Variants in DNAH5 observed in about 807,000 individuals in gnomAD.
DNAH5 encodes axonemal beta dynein heavy chain 5.
A neutral mutation model predicts 518.2 loss-of-function variants in DNAH5; 372 were observed. The observed-to-expected ratio is 0.72, with a 90% CI of 0.66 to 0.78. The LOEUF is 0.78. DNAH5 is among the 30% of genes least tolerant of loss of function. The pLI is 0.00. For missense variants in DNAH5, 5,523 were observed against 5,687.0 expected (o/e 0.97, Z 0.93); for synonymous variants, 2,039 against 2,025.9 (o/e 1.01, Z -0.17).
chr5:13,927,444 G>T (rs1024146939), intron 3 of DNAH5, among the ~76,000 whole-genome samples: 1 of 152,144 alleles, frequency 6.6e-6, no homozygotes, highest in African/African-American at 2.4e-5. Flanking sequence ...GGGAGGTAGA[G>T]GTTGCGGGGA....
In DNAH5 at chr5:13,885,302, CAGAT is replaced by C. The variant is rs562309127; in HGVS notation, c.2744-78_2744-75del. 1,320 of 1,537,494 alleles carry C rather than the reference CAGAT, an allele frequency of 8.6e-4. 1 individual carries two copies. Among genetic ancestry groups the C allele is most frequent in the African/African-American group, 2.2e-3 (159 of 73,262 alleles). ...ATGGATAGATAGACAGATAGATAGA[CAGAT>C]AGATAGAATCATCTGTTGCAATTAA... On this transcript the variant is annotated intron_variant, in intron 18 of 78. Coordinates refer to ENST00000265104, the MANE Select transcript of DNAH5 (RefSeq NM_001369.3).
chr5:13,959,183 G>T (rs1780979033), intron 1 of DNAH5, among the ~76,000 whole-genome samples: 1 of 152,194 alleles, frequency 6.6e-6, no homozygotes, highest in Non-Finnish European at 1.5e-5. Flanking sequence ...CTAACCTCCA[G>T]TGGTCAGCCC....
intron 1 of DNAH5, among the ~76,000 whole-genome samples, chr5:13,938,555 G>T (rs1298687942): frequency 6.7e-6 from 1 of 150,074 alleles, no homozygotes; most frequent in Non-Finnish European, 1.5e-5. Flanking sequence ...TATAAAAAAT[G>T]TAAATATATA....
chr5:13,954,889 A>G (rs2152039775), intron 1 of DNAH5, among the ~76,000 whole-genome samples: 1 of 152,224 alleles, frequency 6.6e-6, no homozygotes, highest in Admixed American at 6.5e-5. Context: ...CCTGAAGCCT[A>G]AAGGAAAATC....
intron 47 of DNAH5, among the ~76,000 whole-genome samples, chr5:13,802,067 TA>T (rs907286194): frequency 2.5e-4 from 37 of 148,124 alleles, no homozygotes; most frequent in South Asian, 1.9e-3. Context: ...TACTGATTTT[TA>T]AAAAAAAAAA....
Position 13,735,286 on chromosome 5 carries a change from G to T in DNAH5, c.11606C>A (p.Ala3869Asp). The T allele has an allele frequency of 6.2e-7, 1 of 1,614,092 alleles. No individual in the cohort carries two copies. Among genetic ancestry groups the T allele is most frequent in the Non-Finnish European group, 8.5e-7 (1 of 1,179,990 alleles). ...VKSPITSKRI[A>D]NIIEHMTYEV... ...GTAGGTCATGTGCTCGATGATATTAGCAATCCTCTTGCTTGTAATCGGGCT... is the reference window on the plus strand; with the variant it reads ...GTAGGTCATGTGCTCGATGATATTATCAATCCTCTTGCTTGTAATCGGGCT... The change falls in exon 68 of 79, where the codon GCT (alanine) becomes GAT (aspartate). Residue 3869 changes from alanine (A) to aspartate (D), a missense_variant. By Grantham distance (126) the Ala-to-Asp change is moderately radical. Around this residue, in one of 3 missense-constraint regions of DNAH5, gnomAD observed 5,121 missense variants for 5,223.3 expected, o/e 0.98. Coordinates refer to ENST00000265104, the MANE Select transcript of DNAH5 (RefSeq NM_001369.3).
chr5:13,900,170 A>G (rs1774406326), intron 15 of DNAH5, 36 bp downstream of exon 15: 1 of 1,544,050 alleles, frequency 6.5e-7, no homozygotes, highest in African/African-American at 1.4e-5. Flanking sequence ...TTCCAGAGCT[A>G]GCCAAGAATG....
chr5:13,873,689 C>T (rs190337963), intron 22 of DNAH5, among the ~76,000 whole-genome samples: 7 of 151,796 alleles, frequency 4.6e-5, no homozygotes, highest in East Asian at 3.9e-4. Context: ...TTTGTAGAGA[C>T]GAGATCTCAC....
chr5:13,722,216 A>T (rs1260125819), intron 70 of DNAH5, among the ~76,000 whole-genome samples: 3 of 152,160 alleles, frequency 2.0e-5, no homozygotes, highest in Non-Finnish European at 4.4e-5. Flanking sequence ...CTTGAATCAG[A>T]CAGATTTCAG....
Position 13,720,982 on chromosome 5 carries a change from T to A in DNAH5, c.12279+18A>T, listed in dbSNP as rs1744973824. On this transcript the variant is annotated intron_variant, in intron 71 of 78. Coordinates refer to ENST00000265104, the MANE Select transcript of DNAH5 (RefSeq NM_001369.3). ...TAATATGAACAGCATGGCACAAAAG[T>A]AGACTATTCAGCCTTACGTTCGCCA... 6.2e-7 allele frequency: 1 copy of A among 1,614,108 alleles called. No homozygotes were observed. Among genetic ancestry groups the A allele is most frequent in the East Asian group, 2.2e-5 (1 of 44,874 alleles).
chr5:13,781,969 G>T lies in DNAH5; in HGVS notation c.8821-1010C>A, dbSNP rs146931865. On this transcript the variant is annotated intron_variant, in intron 52 of 78. Transcript: ENST00000265104. ...AAGACTATTCCACAGCCCCCTTGTG[G>T]CAGAAGTCCATGTTTATTTGGCTTT... is the stretch of plus-strand genomic sequence containing the variant. Among the ~76,000 whole-genome samples, 297 of 152,258 alleles carry T rather than the reference G, an allele frequency of 2.0e-3. 1 individual carries two copies. The highest frequency in any genetic ancestry group is 7.0e-3 in the African/African-American group (292 of 41,540).
chr5:13,901,194 C>G, intron 14 of DNAH5, 58 bp downstream of exon 14: 1 of 1,565,678 alleles, frequency 6.4e-7, no homozygotes, highest in South Asian at 1.1e-5. Flanking sequence ...CTGTCAAATG[C>G]TAGAAGAGGG....
chr5:13,842,848 A>C (rs1765476215), intron 32 of DNAH5, among the ~76,000 whole-genome samples: 1 of 152,228 alleles, frequency 6.6e-6, no homozygotes, highest in South Asian at 2.1e-4. Context: ...AGCAACAAAA[A>C]ACAAAAGCAA....
At chr5:13,811,920 G>T (rs907702411) in intron 43 of DNAH5, 97 bp from the exon 44 acceptor site, 13 of 1,003,152 alleles carry the variant, frequency 1.3e-5, no homozygotes, top group Admixed American at 7.3e-5. Context: ...TGTTAATAAT[G>T]ATAATATCTA....
At chr5:13,786,069 T>C (rs1755937303) in intron 52 of DNAH5, 110 bp downstream of exon 52, 1 of 1,146,910 alleles carries the variant, frequency 8.7e-7, no homozygotes. Flanking sequence ...GGAGTCTAAT[T>C]TTAAACTGAA....
chr5:13,860,638 C>T (rs1344313390), intron 29 of DNAH5: 3 of 152,188 alleles, frequency 2.0e-5, no homozygotes, highest in South Asian at 4.1e-4. Flanking sequence ...CCAGACCAAG[C>T]TTGGGTCCCT....
intron 25 of DNAH5, 130 bp from the exon 26 acceptor site, chr5:13,866,412 A>G: frequency 3.8e-6 from 3 of 783,156 alleles, no homozygotes; most frequent in South Asian, 1.8e-5. Context: ...TTTGTTAGAA[A>G]AAAAGGGCCT....
chr5:13,811,573 G>T (rs150690574), intron 44 of DNAH5, 74 bp downstream of exon 44: 2 of 1,435,020 alleles, frequency 1.4e-6, no homozygotes, highest in African/African-American at 1.4e-5. Context: ...TAATAAGAGA[G>T]AAAATATAGT....
intron 65 of DNAH5, among the ~76,000 whole-genome samples, chr5:13,746,401 G>C (rs1310578189): frequency 6.6e-6 from 1 of 152,112 alleles, no homozygotes; most frequent in Non-Finnish European, 1.5e-5. Context: ...AGAAGGCCCT[G>C]AGTTTATTAT....
Sources: gnomAD v4.1 joint callset for allele counts (sites outside exome capture counted in the v4.1 genomes callset) on GRCh38, gnomAD v4.1.1 for gene constraint, gnomAD v4.1.1 regional missense constraint, MANE v1.5 for transcripts, NCBI Gene and HGNC (gene_info 2026-07-23, HGNC 2026-07-21) for gene names.